POU6F2: variants seen among roughly 807,000 people sequenced by gnomAD.
POU6F2 encodes the protein POU domain, class 6, transcription factor 2.
POU6F2 carries 31 observed loss-of-function variants against 71.3 expected under a neutral mutation model. The ratio of observed to expected loss-of-function variants is 0.43; its 90% confidence interval spans 0.33 to 0.59. The LOEUF is 0.59. Among genes scored for constraint, POU6F2 ranks in the 20% least tolerant of loss-of-function variants. The probability of loss-of-function intolerance (pLI) is 0.04; values close to 1 mark genes in which losing one functional copy is unlikely to be tolerated. For synonymous variants in POU6F2, 347 were observed against 355.7 expected, an observed-to-expected ratio of 0.98 and a Z score of 0.27; for missense variants, 783 against 856.8, an observed-to-expected ratio of 0.91 and a Z score of 1.07.
At chr7:39,139,796 T>C (rs1792458884) in intron 2 of POU6F2, among the ~76,000 whole-genome samples, 1 of 152,224 alleles carries the variant, frequency 6.6e-6, no homozygotes, top group African/African-American at 2.4e-5. Context: ...CCTGACTTGG[T>C]CTGACTTCTT....
At chr7:39,043,319 A>G (rs969935762) in intron 1 of POU6F2, among the ~76,000 whole-genome samples, 2 of 151,990 alleles carry the variant, frequency 1.3e-5, no homozygotes, top group East Asian at 1.9e-4. Flanking sequence ...AATGGACACC[A>G]ATACTATAAA....
chr7:39,344,354 C>G (rs187334479), intron 5 of POU6F2, among the ~76,000 whole-genome samples: 277 of 152,244 alleles, frequency 1.8e-3, no homozygotes, highest in Non-Finnish European at 3.1e-3. Flanking sequence ...ATGGAAAGGT[C>G]TAGTTACCAC....
chr7:39,097,811 T>G (rs1425947800), intron 2 of POU6F2, among the ~76,000 whole-genome samples: 1 of 152,218 alleles, frequency 6.6e-6, no homozygotes, highest in African/African-American at 2.4e-5. Flanking sequence ...GACCCCACCC[T>G]GAAATAGCCC....
intron 4 of POU6F2, among the ~76,000 whole-genome samples, chr7:39,334,633 G>A (rs919194988): frequency 6.6e-6 from 1 of 152,160 alleles, no homozygotes; most frequent in Non-Finnish European, 1.5e-5. Flanking sequence ...TTCCATCTGC[G>A]GGTGCAGGCT....
chr7:38,998,957 C>G (rs138292695), intron 1 of POU6F2, among the ~76,000 whole-genome samples: 128 of 152,016 alleles, frequency 8.4e-4, no homozygotes, highest in Non-Finnish European at 1.5e-3. Flanking sequence ...AGCCACTGCA[C>G]CCAGCTGTTG....
chr7:39,253,137 A>G (rs1783959849), intron 4 of POU6F2, among the ~76,000 whole-genome samples: 1 of 152,184 alleles, frequency 6.6e-6, no homozygotes, highest in South Asian at 2.1e-4. Flanking sequence ...AGAGGCAGAA[A>G]TATTTGTTAA....
intron 5 of POU6F2, among the ~76,000 whole-genome samples, chr7:39,361,094 T>C (rs1395499572): frequency 6.6e-6 from 1 of 152,144 alleles, no homozygotes; most frequent in Non-Finnish European, 1.5e-5. Context: ...AGGCAAAAGG[T>C]TTTAATCTAA....
At chr7:39,033,852 T>C (rs1790003223) in intron 1 of POU6F2, among the ~76,000 whole-genome samples, 1 of 152,236 alleles carries the variant, frequency 6.6e-6, no homozygotes, top group African/African-American at 2.4e-5. Context: ...GTATTCAGGG[T>C]ACTGTTATTT....
chr7:39,262,519 G>T (rs1161132672), intron 4 of POU6F2, among the ~76,000 whole-genome samples: 1 of 152,290 alleles, frequency 6.6e-6, no homozygotes, highest in South Asian at 2.1e-4. Flanking sequence ...TGCAACAACT[G>T]CTATACAACT....
At chr7:39,436,279 T>G (rs1004573152) in intron 7 of POU6F2, among the ~76,000 whole-genome samples, 5 of 152,204 alleles carry the variant, frequency 3.3e-5, no homozygotes, top group African/African-American at 1.2e-4. Context: ...TCCATTTGTT[T>G]GTGTCCTCTC....
At chr7:39,204,204 AT>A in intron 2 of POU6F2, 30 bp from the exon 3 acceptor site, 1 of 1,576,342 alleles carries the variant, frequency 6.3e-7, no homozygotes, top group Non-Finnish European at 8.7e-7. Context: ...TGGATCATAT[AT>A]TAAGGGAGTA....
chr7:39,452,017 G>A (rs985252718), intron 8 of POU6F2, among the ~76,000 whole-genome samples: 4 of 152,174 alleles, frequency 2.6e-5, no homozygotes, highest in Non-Finnish European at 5.9e-5. Context: ...CAGCTTTCAG[G>A]GCATGAGCCA....
intron 4 of POU6F2, among the ~76,000 whole-genome samples, chr7:39,220,318 G>A (rs1794323256): frequency 6.6e-6 from 1 of 152,160 alleles, no homozygotes; most frequent in South Asian, 2.1e-4. Flanking sequence ...GATGGCAGTA[G>A]CATACCAAGC....
chr7:39,302,000 A>G (rs1396591739), intron 4 of POU6F2, among the ~76,000 whole-genome samples: 1 of 152,208 alleles, frequency 6.6e-6, no homozygotes, highest in African/African-American at 2.4e-5. Context: ...AAGATGTGCC[A>G]GCTCTGTGCC....
rs189923478 is a variant in POU6F2 at position 39,308,434 on chromosome 7, C to T, written c.599-31208C>T. Among the ~76,000 whole-genome samples, 175 of 152,284 alleles carry T rather than the reference C, an allele frequency of 1.1e-3. 1 individual carries two copies. Among genetic ancestry groups the T allele is most frequent in the Non-Finnish European group, 2.1e-3 (141 of 68,020 alleles). ...AAGCTTCCCATGAGGGGCCCTGGGA[C>T]GTAAGCTTCATCAGCTTCATGGTAA... On this transcript the variant is annotated intron_variant, in intron 4 of 9. Coordinates refer to ENST00000518318, the MANE Select transcript of POU6F2 (RefSeq NM_001370959.1).
chr7:39,416,856 G>C (rs920243072), intron 6 of POU6F2, among the ~76,000 whole-genome samples: 1 of 151,670 alleles, frequency 6.6e-6, no homozygotes, highest in Non-Finnish European at 1.5e-5. Flanking sequence ...TGTAATTAAG[G>C]GGGATACTAT....
chr7:39,154,913 A>ATGTGC (rs1335123748), intron 2 of POU6F2, among the ~76,000 whole-genome samples: 1 of 152,130 alleles, frequency 6.6e-6, no homozygotes, highest in Non-Finnish European at 1.5e-5. Flanking sequence ...ATAGTTCAAC[A>ATGTGC]TGTGCTGTTC....
At chr7:39,300,361 G>A (rs1784929960) in intron 4 of POU6F2, among the ~76,000 whole-genome samples, 1 of 152,164 alleles carries the variant, frequency 6.6e-6, no homozygotes, top group African/African-American at 2.4e-5. Context: ...AGTGGGCAGA[G>A]GAGTGATAGG....
intron 4 of POU6F2, among the ~76,000 whole-genome samples, chr7:39,259,950 G>A (rs900036849): frequency 3.3e-5 from 5 of 151,708 alleles, no homozygotes; most frequent in Non-Finnish European, 7.4e-5. Context: ...TGCCCTACAC[G>A]TACATGCACC....
Sources: allele counts gnomAD v4.1 joint callset (sites outside exome capture counted in the v4.1 genomes callset), GRCh38; gene constraint gnomAD v4.1.1; transcripts MANE v1.5; gene names NCBI Gene and HGNC (gene_info 2026-07-23, HGNC 2026-07-21).